The following DPY19L2 variants were observed in gnomAD, a reference collection of about 807,000 sequenced individuals.
The protein encoded by DPY19L2 is probable C-mannosyltransferase DPY19L2.
Under a neutral mutation model 97.9 loss-of-function variants are expected in DPY19L2, and 34 were observed. That is an observed-to-expected ratio of 0.35 (90% CI 0.26 to 0.46). DPY19L2 has a LOEUF of 0.46. Among genes scored for constraint, DPY19L2 ranks in the 20% least tolerant of loss-of-function variants. The pLI is 1.00. For missense variants in DPY19L2, 623 were observed against 911.4 expected (o/e 0.68, Z 4.07); for synonymous variants, 230 against 307.9 (o/e 0.75, Z 2.65).
At chr12:63,638,915 T>A (rs1489427518) in intron 6 of DPY19L2, among the ~76,000 whole-genome samples, 2 of 151,950 alleles carry the variant, frequency 1.3e-5, no homozygotes, top group Non-Finnish European at 2.9e-5. Flanking sequence ...AAGCAAAAAG[T>A]ACAAAGCTGG....
intron 8 of DPY19L2, 29 bp from the exon 9 acceptor site, chr12:63,621,366 T>C: frequency 1.2e-6 from 1 of 831,972 alleles, no homozygotes; most frequent in Non-Finnish European, 2.0e-6. Context: ...TACCAGTAAG[T>C]TTCACCCTAA....
chr12:63,645,075 T>C (rs1400052216), intron 5 of DPY19L2, among the ~76,000 whole-genome samples: 1 of 115,830 alleles, frequency 8.6e-6, no homozygotes, highest in Non-Finnish European at 1.8e-5. Flanking sequence ...GTATATTCCA[T>C]ATAGAAGATC....
At chr12:63,570,546 T>C (rs1240369849) in intron 20 of DPY19L2, among the ~76,000 whole-genome samples, 2 of 152,166 alleles carry the variant, frequency 1.3e-5, no homozygotes, top group African/African-American at 2.4e-5. Flanking sequence ...TTTTCAGTTT[T>C]TCAGAGGTCT....
chr12:63,648,645 C>G (rs1045639058), intron 4 of DPY19L2, among the ~76,000 whole-genome samples: 5 of 151,974 alleles, frequency 3.3e-5, no homozygotes. Flanking sequence ...CCAGGCTGGT[C>G]TCAAACTCCT....
Position 63,560,477 on chromosome 12 carries a change from G to A in DPY19L2, c.*35C>T, listed in dbSNP as rs374463331. On this transcript the variant is annotated 3_prime_UTR_variant, in exon 22 of 22. Transcript: ENST00000324472. Reference sequence around the variant, plus strand: ...CAAAGGGTGATTGTTTTTGACACACGGCATTGTGCCATAGTAAAATGGGTA... The same window carrying A: ...CAAAGGGTGATTGTTTTTGACACACAGCATTGTGCCATAGTAAAATGGGTA... The A allele has an allele frequency of 9.5e-5, 151 of 1,591,006 alleles. 1 individual carries two copies. In the East Asian group the frequency reaches 1.8e-3, roughly 19 times the overall value.
chr12:63,631,438 C>A (rs947553944), intron 6 of DPY19L2, among the ~76,000 whole-genome samples: 41 of 152,148 alleles, frequency 2.7e-4, no homozygotes, highest in African/African-American at 9.7e-4. Context: ...ATAAACACCT[C>A]TATGCAAATA....
chr12:63,646,087 C>G (rs1193527544), intron 5 of DPY19L2, among the ~76,000 whole-genome samples: 2 of 152,150 alleles, frequency 1.3e-5, no homozygotes, highest in Non-Finnish European at 2.9e-5. Context: ...TACTTATCCT[C>G]TCTTACTCCT....
intron 8 of DPY19L2, chr12:63,623,779 A>G: frequency 3.1e-6 from 1 of 323,102 alleles, no homozygotes; most frequent in Non-Finnish European, 6.0e-6. Flanking sequence ...ATCTCGGCTC[A>G]CTGCAACCTC....
chr12:63,569,508 C>T (rs1325242628), intron 20 of DPY19L2, 159 bp from the exon 21 acceptor site: 1 of 485,566 alleles, frequency 2.1e-6, no homozygotes, highest in African/African-American at 2.0e-5. Context: ...TGGCAGTTTC[C>T]ACATTCCTAC....
At chr12:63,608,322 A>G (rs1037221935) in intron 12 of DPY19L2, among the ~76,000 whole-genome samples, 4 of 152,180 alleles carry the variant, frequency 2.6e-5, no homozygotes, top group African/African-American at 9.6e-5. Context: ...GAAACTCAAG[A>G]CAAACAAATT....
At chr12:63,589,357 C>CAAAAAAAAAAAAAAAAAAAAAAAAAAA (rs71086687) in intron 16 of DPY19L2, among the ~76,000 whole-genome samples, 1 of 18,992 alleles carries the variant, frequency 5.3e-5, no homozygotes, top group Non-Finnish European at 1.1e-4. Flanking sequence ...AAATGTGTTG[C>CAAAAAAAAAAAAAAAAAAAAAAAAAAA]AAAAAAAAAA....
At chr12:63,597,161 A>T (rs1252730838) in intron 14 of DPY19L2, among the ~76,000 whole-genome samples, 3 of 150,848 alleles carry the variant, frequency 2.0e-5, no homozygotes. Flanking sequence ...TTTAGTAGAG[A>T]TGGAGTTACC....
intron 3 of DPY19L2, among the ~76,000 whole-genome samples, chr12:63,662,960 G>C (rs951444463): frequency 4.6e-5 from 7 of 152,134 alleles, no homozygotes; most frequent in Admixed American, 3.3e-4. Flanking sequence ...GTTTGGGATA[G>C]CAAAAAGTTC....
intron 4 of DPY19L2, among the ~76,000 whole-genome samples, chr12:63,648,953 T>A (rs949730911): frequency 6.6e-6 from 1 of 151,896 alleles, no homozygotes; most frequent in African/African-American, 2.4e-5. Context: ...TTAAAACAAA[T>A]GGAAAATTTG....
chr12:63,560,263 A>G lies in DPY19L2; in HGVS notation c.*249T>C. ...TATACATTTCTCTTTAAAATTCTGA[A>G]ATGAACATTTGTTTATGCAGTATGA... On this transcript the variant is annotated 3_prime_UTR_variant, in exon 22 of 22. Coordinates refer to ENST00000324472, the MANE Select transcript of DPY19L2 (RefSeq NM_173812.5). The G allele has an allele frequency of 3.1e-6, 1 of 320,098 alleles. No homozygotes were observed. Among genetic ancestry groups the G allele is most frequent in the Non-Finnish European group, 5.6e-6 (1 of 178,862 alleles). The allele number at this position is 320,098 out of a possible 1,614,324, so 19.8% of individuals were successfully genotyped here. A position where few individuals can be genotyped will look rare whatever the true frequency, so the allele number is the denominator to read the frequency against.
intron 16 of DPY19L2, among the ~76,000 whole-genome samples, chr12:63,588,337 C>G (rs1310988153): frequency 6.6e-6 from 1 of 152,134 alleles, no homozygotes; most frequent in African/African-American, 2.4e-5. Flanking sequence ...TACTCTGCCT[C>G]TACTCTACAA....
At chr12:63,631,237 TAG>T (rs1325840958) in intron 6 of DPY19L2, among the ~76,000 whole-genome samples, 1 of 151,702 alleles carries the variant, frequency 6.6e-6, no homozygotes, top group Non-Finnish European at 1.5e-5. Context: ...CTGAAGGAGA[TAG>T]AGACACAAAA....
At chr12:63,597,036 G>A (rs985390955) in intron 14 of DPY19L2, among the ~76,000 whole-genome samples, 8 of 151,876 alleles carry the variant, frequency 5.3e-5, no homozygotes, top group South Asian at 2.1e-4. Context: ...GCATTGGTGC[G>A]ATCTCAGCTC....
chr12:63,594,752 G>C (rs1473471016), intron 15 of DPY19L2, among the ~76,000 whole-genome samples: 1 of 151,920 alleles, frequency 6.6e-6, no homozygotes, highest in Non-Finnish European at 1.5e-5. Context: ...ATAAGTCTTG[G>C]ATCTTAATTT....
Sources: gnomAD v4.1 joint callset for allele counts (sites outside exome capture counted in the v4.1 genomes callset) on GRCh38, gnomAD v4.1.1 for gene constraint, MANE v1.5 for transcripts, NCBI Gene and HGNC (gene_info 2026-07-23, HGNC 2026-07-21) for gene names.